CNTN4: variants seen among roughly 807,000 people sequenced by gnomAD.
CNTN4 encodes the protein contactin 4, also known as contactin-4.
Under a neutral mutation model 122.5 loss-of-function variants are expected in CNTN4, and 77 were observed. That is an observed-to-expected ratio of 0.63 (90% CI 0.52 to 0.76). The LOEUF is 0.76. CNTN4 is among the 30% of genes least tolerant of loss of function. The pLI is 0.00. For synonymous variants in CNTN4, 512 were observed against 447.0 expected (o/e 1.15, Z -1.83); for missense variants, 1,256 against 1,259.1 (o/e 1.00, Z 0.04).
At chr3:2,108,472 C>T (rs930222150) in intron 2 of CNTN4, among the ~76,000 whole-genome samples, 1 of 152,100 alleles carries the variant, frequency 6.6e-6, no homozygotes, top group Non-Finnish European at 1.5e-5. Context: ...AAGTCTTGAT[C>T]AAGCCAGGAG....
At chr3:2,629,756 G>C (rs956680719) in intron 4 of CNTN4, among the ~76,000 whole-genome samples, 2 of 152,122 alleles carry the variant, frequency 1.3e-5, no homozygotes, top group African/African-American at 4.8e-5. Context: ...CACTGATGCT[G>C]TGTTATTCTG....
At chr3:2,216,404 G>A (rs958118051) in intron 2 of CNTN4, among the ~76,000 whole-genome samples, 3 of 152,114 alleles carry the variant, frequency 2.0e-5, no homozygotes, top group Admixed American at 1.3e-4. Flanking sequence ...AGGGTGGGAG[G>A]AGGGAGAGCA....
chr3:2,382,140 C>T (rs1316400694), intron 3 of CNTN4, among the ~76,000 whole-genome samples: 2 of 151,322 alleles, frequency 1.3e-5, no homozygotes, highest in Non-Finnish European at 2.9e-5. Context: ...CCTTACTGAA[C>T]ATTCTTTTCT....
At chr3:2,359,213 G>A (rs555638673) in intron 3 of CNTN4, among the ~76,000 whole-genome samples, 2 of 152,064 alleles carry the variant, frequency 1.3e-5, no homozygotes, top group African/African-American at 4.8e-5. Context: ...TTAATTAGCT[G>A]GATGTGAGTC....
chr3:2,572,870 C>A (rs1261740134), intron 4 of CNTN4, among the ~76,000 whole-genome samples: 2 of 152,074 alleles, frequency 1.3e-5, no homozygotes, highest in Non-Finnish European at 2.9e-5. Context: ...GCTATAAAAT[C>A]AAAAATAATA....
intron 2 of CNTN4, among the ~76,000 whole-genome samples, chr3:2,228,651 A>G (rs1031618381): frequency 6.6e-6 from 1 of 152,152 alleles, no homozygotes; most frequent in African/African-American, 2.4e-5. Flanking sequence ...TATAGATCAG[A>G]AGACTGAGGG....
At chr3:2,526,824 A>G (rs1217937440) in intron 3 of CNTN4, among the ~76,000 whole-genome samples, 1 of 152,124 alleles carries the variant, frequency 6.6e-6, no homozygotes, top group Admixed American at 6.6e-5. Context: ...ACTGAAAAAA[A>G]TTGTGGGAAT....
intron 4 of CNTN4, among the ~76,000 whole-genome samples, chr3:2,673,837 C>T (rs759260474): frequency 7.9e-5 from 12 of 152,090 alleles, no homozygotes; most frequent in East Asian, 5.8e-4. Context: ...TCGCTGCGCC[C>T]GGCCGGAGGG....
intron 4 of CNTN4, among the ~76,000 whole-genome samples, chr3:2,622,372 A>T (rs560513184): frequency 1.3e-5 from 2 of 152,186 alleles, no homozygotes; most frequent in African/African-American, 4.8e-5. Flanking sequence ...GCTCACTGCA[A>T]CTTCTGCCAC....
chr3:2,813,128 A>G (rs964410165), intron 6 of CNTN4, among the ~76,000 whole-genome samples: 1 of 152,238 alleles, frequency 6.6e-6, no homozygotes, highest in Non-Finnish European at 1.5e-5. Flanking sequence ...CAAATGGCAG[A>G]GAGTCAAGAC....
chr3:2,368,311 C>T (rs1484264082), intron 3 of CNTN4, among the ~76,000 whole-genome samples: 4 of 152,050 alleles, frequency 2.6e-5, no homozygotes, highest in Non-Finnish European at 2.9e-5. Context: ...GGATTACAGG[C>T]GTGAGCCACA....
chr3:2,394,815 C>T (rs1419156252), intron 3 of CNTN4, among the ~76,000 whole-genome samples: 2 of 110,508 alleles, frequency 1.8e-5, no homozygotes, highest in Non-Finnish European at 3.6e-5. Context: ...TTGAGACAAT[C>T]TCGCTCTGTC....
chr3:2,975,598 G>T (rs1469811070), intron 13 of CNTN4, among the ~76,000 whole-genome samples: 2 of 152,132 alleles, frequency 1.3e-5, no homozygotes, highest in Admixed American at 1.3e-4. Context: ...TATATTTACA[G>T]TTTTTCTTCT....
intron 3 of CNTN4, among the ~76,000 whole-genome samples, chr3:2,446,785 CAG>C (rs1191378175): frequency 6.6e-6 from 1 of 152,164 alleles, no homozygotes; most frequent in East Asian, 1.9e-4. Flanking sequence ...TTAAAAATGA[CAG>C]TGCTAAATAT....
intron 8 of CNTN4, among the ~76,000 whole-genome samples, chr3:2,879,168 TC>T (rs1225265613): frequency 4.6e-5 from 7 of 152,140 alleles, no homozygotes; most frequent in Admixed American, 2.6e-4. Context: ...ATGACTGGTG[TC>T]CTTCTAAGAA....
At chr3:3,037,781 A>G (rs981659867) in intron 18 of CNTN4, 1 of 256,372 alleles carries the variant, frequency 3.9e-6, no homozygotes, top group African/African-American at 2.2e-5. Flanking sequence ...ATGTTCACTT[A>G]GATTATCTTT....
At chr3:2,387,753 C>T (rs72996012) in intron 3 of CNTN4, among the ~76,000 whole-genome samples, 5 of 152,106 alleles carry the variant, frequency 3.3e-5, no homozygotes, top group Non-Finnish European at 7.4e-5. Context: ...AGAGTTGAGA[C>T]ACTGGTTTTA....
intron 2 of CNTN4, among the ~76,000 whole-genome samples, chr3:2,134,380 A>G (rs2034588939): frequency 6.6e-6 from 1 of 152,228 alleles, no homozygotes; most frequent in Non-Finnish European, 1.5e-5. Context: ...CGCTTTTCAA[A>G]GAGAGGCAGA....
At chr3:2,710,493 T>C (rs1176389523) in intron 4 of CNTN4, among the ~76,000 whole-genome samples, 3 of 152,238 alleles carry the variant, frequency 2.0e-5, no homozygotes. Flanking sequence ...TAACCTGGTC[T>C]TTTGTTTTCC....
Sources: gnomAD v4.1 joint callset for allele counts (sites outside exome capture counted in the v4.1 genomes callset) on GRCh38, gnomAD v4.1.1 for gene constraint, MANE v1.5 for transcripts, NCBI Gene and HGNC (gene_info 2026-07-23, HGNC 2026-07-21) for gene names.